Variants in ANKRD66 observed in about 807,000 individuals in gnomAD.
The protein encoded by ANKRD66 is ankyrin repeat domain-containing protein 66.
A neutral mutation model predicts 10.9 loss-of-function variants in ANKRD66; 10 were observed. That is an observed-to-expected ratio of 0.91 (90% CI 0.56 to 1.55). The LOEUF is 1.55. ANKRD66 is among the 40% of genes most tolerant of loss of function. The pLI, the probability that ANKRD66 is intolerant of heterozygous loss-of-function variation, is 0.00. For missense variants in ANKRD66, 252 were observed against 242.9 expected, an observed-to-expected ratio of 1.04 and a Z score of -0.25; for synonymous variants, 85 against 88.4, an observed-to-expected ratio of 0.96 and a Z score of 0.22.
intron 3 of ANKRD66, among the ~76,000 whole-genome samples, chr6:46,752,533 C>A (rs892674185): frequency 3.9e-5 from 6 of 152,238 alleles, no homozygotes; most frequent in Non-Finnish European, 8.8e-5. Context: ...CCACGCCTGG[C>A]CCCAGATGGA....
chr6:46,747,333 G>GT (rs1766165274), intron 1 of ANKRD66, among the ~76,000 whole-genome samples: 1 of 152,138 alleles, frequency 6.6e-6, no homozygotes, highest in Admixed American at 6.5e-5. Flanking sequence ...CATAAAACTG[G>GT]ATTCATTTAA....
chr6:46,747,125 A>G (rs1293036742), intron 1 of ANKRD66, 135 bp downstream of exon 1: 2 of 791,546 alleles, frequency 2.5e-6, no homozygotes, highest in South Asian at 2.4e-5. Context: ...TACCAGAAAG[A>G]TAGGAAATCA....
chr6:46,756,503 T>A, intron 4 of ANKRD66: 1 of 156,856 alleles, frequency 6.4e-6, no homozygotes, highest in East Asian at 1.9e-4. Flanking sequence ...TGATATTACT[T>A]GATAGTTTTA....
chr6:46,754,513 T>C (rs749474580), intron 4 of ANKRD66, among the ~76,000 whole-genome samples: 5 of 152,322 alleles, frequency 3.3e-5, no homozygotes, highest in Admixed American at 1.3e-4. Flanking sequence ...ATAACAGTTA[T>C]AGCTCTGAGA....
rs1431541617 is a variant in ANKRD66, at chr6:46,752,084, A to C, written c.136A>C (p.Thr46Pro). 8 of 1,504,762 alleles carry C rather than the reference A, an allele frequency of 5.3e-6. No individual in the cohort carries two copies. The highest frequency in any genetic ancestry group is 1.4e-5 in the African/African-American group (1 of 69,830). 93.2% of individuals were successfully genotyped at this position (1,504,762 alleles called of 1,614,324 possible). A position where few individuals can be genotyped will look rare whatever the true frequency, so the allele number is the denominator to read the frequency against. Residue 46 changes from threonine (T) to proline (P), a missense_variant, in exon 3 of 5, where the codon ACC (threonine) becomes CCC (proline). Thr to Pro is a conservative substitution (Grantham distance 38). Coordinates refer to ENST00000565422, the MANE Select transcript of ANKRD66 (RefSeq NM_001162435.3). Reference sequence around the variant, plus strand: ...CAAAGATGTAGACTGGAATGACCGGACCCCACTTCACTGGGCTGCAATCAA... The same window carrying C: ...CAAAGATGTAGACTGGAATGACCGGCCCCCACTTCACTGGGCTGCAATCAA... ...NYKDVDWNDR[T>P]PLHWAAIKGQ...
chr6:46,751,494 T>G (rs1001584183), intron 2 of ANKRD66, among the ~76,000 whole-genome samples: 2 of 152,210 alleles, frequency 1.3e-5, no homozygotes, highest in African/African-American at 4.8e-5. Context: ...CAATATAATT[T>G]TTTTTTGCAA....
At chr6:46,750,067 C>T in intron 2 of ANKRD66, 88 bp downstream of exon 2, 1 of 694,182 alleles carries the variant, frequency 1.4e-6, no homozygotes, top group Non-Finnish European at 2.6e-6. Context: ...GTGAAGTTGA[C>T]TCCAGCTCCT....
rs567050119 is a variant in ANKRD66, at chr6:46,753,388, A to T, written c.164-334A>T. 3.3e-5 allele frequency among the ~76,000 whole-genome samples: 5 copies of T among 152,296 alleles called. 1 individual carries two copies. In the South Asian group the frequency reaches 1.0e-3, roughly 32 times the overall value. On this transcript the variant is annotated intron_variant, in intron 3 of 4. Transcript: ENST00000565422. The stretch of plus-strand genomic sequence containing the variant: ...GACTGTCAAAAGCACAGTGGGCCTT[A>T]CCAATAGGCAGGTATAGTGTGGCTT...
At position 46,758,769 on chromosome 6, in the gene ANKRD66, G is replaced by A. The variant is rs139386361; in HGVS notation, c.439G>A (p.Gly147Arg). 2.5e-4 allele frequency: 387 copies of A among 1,551,026 alleles called. 5 individuals are homozygous for A. In the East Asian group the frequency reaches 7.8e-3, roughly 31 times the overall value. ...QDHRCAAQQK[G>R]LPLDERDEDW... ...CCACCGTTGCGCTGCCCAGCAGAAG[G>A]GGCTGCCTCTGGATGAGCGTGATGA... The change falls in exon 5 of 5, where the codon GGG (glycine) becomes AGG (arginine). Residue 147 changes from glycine (G) to arginine (R), a missense_variant. Transcript: ENST00000565422.
chr6:46,750,707 A>G (rs1017302696), intron 2 of ANKRD66, among the ~76,000 whole-genome samples: 1 of 149,034 alleles, frequency 6.7e-6, no homozygotes, highest in African/African-American at 2.4e-5. Flanking sequence ...ACGTGTGTGT[A>G]CATATAATAT....
At chr6:46,753,212 A>G (rs1766306291) in intron 3 of ANKRD66, among the ~76,000 whole-genome samples, 1 of 152,200 alleles carries the variant, frequency 6.6e-6, no homozygotes, top group South Asian at 2.1e-4. Flanking sequence ...TTGGCCTCAG[A>G]TATTTGTTTC....
chr6:46,758,476 T>C, intron 4 of ANKRD66: 1 of 373,696 alleles, frequency 2.7e-6, no homozygotes, highest in Non-Finnish European at 4.7e-6. Context: ...AGGAGCATTT[T>C]CTTCAAGCTG....
Position 46,756,184 on chromosome 6 carries a change from G to C in ANKRD66, c.392+2234G>C, listed in dbSNP as rs532769341. ...GGTAAACATTAGGTCCTAAAATCTTGGGGAAGGACAACATGTCCTTCCTCT... is the reference window on the plus strand; with the variant it reads ...GGTAAACATTAGGTCCTAAAATCTTCGGGAAGGACAACATGTCCTTCCTCT... On this transcript the variant is annotated intron_variant, in intron 4 of 4. Coordinates refer to ENST00000565422, the MANE Select transcript of ANKRD66 (RefSeq NM_001162435.3). 1.7e-5 allele frequency: 6 copies of C among 359,830 alleles called. No homozygotes were observed. The East Asian group carries it at 5.4e-4, about 32-fold the overall frequency. 22.3% of individuals were successfully genotyped at this position (359,830 alleles called of 1,614,324 possible). A position where few individuals can be genotyped will look rare whatever the true frequency, so the allele number is the denominator to read the frequency against.
chr6:46,752,037 A>C lies in ANKRD66; in HGVS notation c.89A>C (p.Lys30Thr), dbSNP rs548488631. The C allele has an allele frequency of 4.5e-6, 7 of 1,538,572 alleles. No homozygotes were observed. The African/African-American group carries it at 8.3e-5, about 18-fold the overall frequency. ...DYSLVKKILK[K>T]GLCDPNYKDV... is the part of the protein sequence containing the mutation. ...AGCTTAGTGAAGAAGATTTTGAAGA[A>C]AGGTCTCTGTGACCCAAACTACAAA... is the stretch of plus-strand genomic sequence containing the variant. Residue 30 changes from lysine to threonine, a missense_variant, in exon 3 of 5, where the codon AAA becomes ACA. Coordinates refer to ENST00000565422, the MANE Select transcript of ANKRD66 (RefSeq NM_001162435.3).
At chr6:46,750,942 A>G (rs571350451) in intron 2 of ANKRD66, among the ~76,000 whole-genome samples, 16 of 152,240 alleles carry the variant, frequency 1.1e-4, no homozygotes, top group African/African-American at 3.4e-4. Flanking sequence ...GTAACATTCT[A>G]TCTTTGCCAT....
intron 4 of ANKRD66, among the ~76,000 whole-genome samples, 175 bp downstream of exon 4, chr6:46,754,125 A>T (rs1449663192): frequency 6.6e-6 from 1 of 152,146 alleles, no homozygotes; most frequent in East Asian, 1.9e-4. Flanking sequence ...TGTTTCACTT[A>T]AAAGACTAGT....
chr6:46,756,101 A>G, intron 4 of ANKRD66: 1 of 450,210 alleles, frequency 2.2e-6, no homozygotes, highest in Non-Finnish European at 4.4e-6. Context: ...TTGACTCTAT[A>G]TAAATCAAGA....
In ANKRD66 at chr6:46,752,601, A is replaced by T. The variant is rs138179492; in HGVS notation, c.163+490A>T. Among the ~76,000 whole-genome samples, 17 of 152,306 alleles carry T rather than the reference A, an allele frequency of 1.1e-4. No homozygotes were observed. The East Asian group carries it at 3.3e-3, about 29-fold the overall frequency. ...TGTAGCATCTTAAGCAAGTTATTTG[A>T]TATCTCTGGGCCTGTTTATTCACCT... On this transcript the variant is annotated intron_variant, in intron 3 of 4. Transcript: ENST00000565422.
At chr6:46,754,279 T>C (rs1160068509) in intron 4 of ANKRD66, among the ~76,000 whole-genome samples, 1 of 152,172 alleles carries the variant, frequency 6.6e-6, no homozygotes, top group Non-Finnish European at 1.5e-5. Flanking sequence ...AAACTGGCTG[T>C]GTGACCTTGT....
Sources: allele counts gnomAD v4.1 joint callset (sites outside exome capture counted in the v4.1 genomes callset), GRCh38; gene constraint gnomAD v4.1.1; transcripts MANE v1.5; gene names NCBI Gene and HGNC (gene_info 2026-07-23, HGNC 2026-07-21).